The following SLCO3A1 variants were observed in gnomAD, a reference collection of about 807,000 sequenced individuals.
The protein encoded by SLCO3A1 is solute carrier organic anion transporter family member 3A1, also known as PGE1 transporter.
A neutral mutation model predicts 63.1 loss-of-function variants in SLCO3A1; 27 were observed. The observed-to-expected ratio is 0.43, with a 90% confidence interval of 0.32 to 0.59. The LOEUF is 0.59. Ranked by LOEUF, SLCO3A1 falls within the 20% of genes least tolerant of loss-of-function variation. The pLI is 0.09. For missense variants in SLCO3A1, 773 were observed against 945.8 expected (o/e 0.82, Z 2.40); for synonymous variants, 473 against 409.9 (o/e 1.15, Z -1.86).
chr15:91,970,014 T>C (rs976130904), intron 2 of SLCO3A1, among the ~76,000 whole-genome samples: 1 of 152,296 alleles, frequency 6.6e-6, no homozygotes, highest in East Asian at 1.9e-4. Flanking sequence ...GTGTAGTGTT[T>C]TTTCCCCTCA....
rs1473573822 is a variant in SLCO3A1, at chr15:91,950,568, G to A, written c.646+34110G>A. On this transcript the variant is annotated intron_variant, in intron 2 of 9. Coordinates refer to ENST00000318445, the MANE Select transcript of SLCO3A1 (RefSeq NM_013272.4). The surrounding 1 kb of genome is among the most constrained non-coding windows in gnomAD (Gnocchi z 4.4). ...TGCTGCAGGCTCCATAATGTCATCC[G>A]GTCTTTCTAGCCTCCTAAGAATGAG... Among the ~76,000 whole-genome samples, 2 of 152,222 alleles carry A rather than the reference G, an allele frequency of 1.3e-5. No individual in the cohort carries two copies. The highest frequency in any genetic ancestry group is 2.1e-4 in the South Asian group (1 of 4,830).
rs1897628033 is a variant in SLCO3A1 at position 91,882,895 on chromosome 15, T to C, written c.180+28807T>C. Among the ~76,000 whole-genome samples, 1 of 3,932 alleles carries C rather than the reference T, an allele frequency of 2.5e-4. No individual in the cohort carries two copies. Among genetic ancestry groups the C allele is most frequent in the Non-Finnish European group, 4.2e-4 (1 of 2,400 alleles). 2.6% of individuals were successfully genotyped at this position (3,932 alleles called of 152,430 possible). ...TAACCTCATCAAGATTTCCTTGCAA[T>C]TAGGTATCACCTTGGTGTCCCAAAG... On this transcript the variant is annotated intron_variant, in intron 1 of 9. Transcript: ENST00000318445. This position sits in a 1 kb window ranked among gnomAD's most constrained non-coding sequence, Gnocchi z 4.4.
intron 9 of SLCO3A1, among the ~76,000 whole-genome samples, chr15:92,152,793 A>G (rs1376355451): frequency 6.6e-6 from 1 of 152,160 alleles, no homozygotes; most frequent in Non-Finnish European, 1.5e-5. Flanking sequence ...TAAGCCATGA[A>G]CCATCCCCAG....
At chr15:92,074,577 G>A (rs1273089218) in intron 2 of SLCO3A1, among the ~76,000 whole-genome samples, 1 of 152,152 alleles carries the variant, frequency 6.6e-6, no homozygotes, top group East Asian at 1.9e-4. Flanking sequence ...ACCTTTTTTA[G>A]AGGAGACATT....
At chr15:92,171,628 A>C in intron 10 of SLCO3A1, 1 of 622,826 alleles carries the variant, frequency 1.6e-6, no homozygotes, top group Non-Finnish European at 2.9e-6. Context: ...GTTACATGGA[A>C]TGAAACCCAG....
At chr15:92,151,677 A>C (rs996038271) in intron 9 of SLCO3A1, among the ~76,000 whole-genome samples, 1 of 152,220 alleles carries the variant, frequency 6.6e-6, no homozygotes, top group Non-Finnish European at 1.5e-5. Context: ...TTCTCTTGCC[A>C]TACCACACCG....
chr15:91,890,502 C>T (rs1028027336), intron 1 of SLCO3A1, among the ~76,000 whole-genome samples: 33 of 152,208 alleles, frequency 2.2e-4, no homozygotes, highest in African/African-American at 8.0e-4. Flanking sequence ...GCTCTATCCC[C>T]TATGCCTGGC....
In SLCO3A1 at chr15:92,147,010, C is replaced by T. The variant is rs746416639; in HGVS notation, c.1539C>T (p.Thr513=). Residue 513 remains threonine (T), a synonymous_variant, in exon 8 of 10, where the codon ACC becomes ACT. Transcript: ENST00000318445. The stretch of plus-strand genomic sequence containing the variant: ...ATCTCACGGGCTGTGCGTGCCTCAC[C>T]ACCGTCCCTGCTGAGAACGCAACCG... ...STNLTGCACL[T]TVPAENATVV... 6.2e-7 allele frequency: 1 copy of T among 1,613,712 alleles called. No homozygotes were observed. The highest frequency in any genetic ancestry group is 2.2e-5 in the East Asian group (1 of 44,860).
chr15:92,085,998 G>A (rs2047399870), intron 2 of SLCO3A1, among the ~76,000 whole-genome samples: 1 of 152,280 alleles, frequency 6.6e-6, no homozygotes, highest in Middle Eastern at 3.4e-3. Flanking sequence ...TCCAGAGTAC[G>A]GGAGATCACA....
At chr15:92,134,164 C>T (rs550739355) in intron 7 of SLCO3A1, among the ~76,000 whole-genome samples, 1 of 152,348 alleles carries the variant, frequency 6.6e-6, no homozygotes, top group South Asian at 2.1e-4. Flanking sequence ...ATCCCTTACA[C>T]CTGAGCCATT....
intron 9 of SLCO3A1, among the ~76,000 whole-genome samples, chr15:92,152,066 T>G (rs552867843): frequency 7.4e-4 from 113 of 152,254 alleles, no homozygotes; most frequent in Non-Finnish European, 1.6e-3. Flanking sequence ...AACAGGTCTG[T>G]AATGTAATAA....
chr15:91,957,116 A>ATACTATATAGTATATATATT lies in SLCO3A1; in HGVS notation c.646+40658_646+40659insTACTATATAGTATATATATT, dbSNP rs1271110657. 1.7e-4 allele frequency among the ~76,000 whole-genome samples: 2 copies of ATACTATATAGTATATATATT among 11,880 alleles called. 1 individual carries two copies. Among genetic ancestry groups the ATACTATATAGTATATATATT allele is most frequent in the African/African-American group, 2.5e-3 (2 of 790 alleles). The allele number at this position is 11,880 out of a possible 152,430, so 7.8% of individuals were successfully genotyped here. On this transcript the variant is annotated intron_variant, in intron 2 of 9. Coordinates refer to ENST00000318445, the MANE Select transcript of SLCO3A1 (RefSeq NM_013272.4). ...TAATATATATAATATATATATATAT[A>ATACTATATAGTATATATATT]ATATATATAATATATATACTATATA...
intron 2 of SLCO3A1, among the ~76,000 whole-genome samples, chr15:92,079,362 AACAG>A (rs2047315715): frequency 6.6e-6 from 1 of 152,222 alleles, no homozygotes; most frequent in Non-Finnish European, 1.5e-5. Flanking sequence ...TGGCTTCAAC[AACAG>A]ACACTCATTT....
chr15:92,075,197 T>C lies in SLCO3A1; in HGVS notation c.647-19684T>C, dbSNP rs563856276. On this transcript the variant is annotated intron_variant, in intron 2 of 9. Transcript: ENST00000318445. Reference sequence around the variant, plus strand: ...CCGACTCTGGCTTCTGGAGGGAAACTTGGTGCTTAAGCTTTTATTCCCCAT... The same window carrying C: ...CCGACTCTGGCTTCTGGAGGGAAACCTGGTGCTTAAGCTTTTATTCCCCAT... Among the ~76,000 whole-genome samples the C allele has an allele frequency of 6.5e-4, 99 of 152,312 alleles. No individual in the cohort carries two copies. The Middle Eastern group carries it at 0.01, about 16-fold the overall frequency.
rs1166355291 is a variant in SLCO3A1 at position 92,053,676 on chromosome 15, G to GTTTTGT, written c.647-41201_647-41200insGTTTTT. Among the ~76,000 whole-genome samples the GTTTTGT allele has an allele frequency of 1.6e-3, 84 of 52,946 alleles. 8 individuals are homozygous for GTTTTGT. Among genetic ancestry groups the GTTTTGT allele is most frequent in the Admixed American group, 1.8e-3 (6 of 3,264 alleles). 34.7% of individuals were successfully genotyped at this position (52,946 alleles called of 152,430 possible). A position where few individuals can be genotyped will look rare whatever the true frequency, so the allele number is the denominator to read the frequency against. On this transcript the variant is annotated intron_variant, in intron 2 of 9. Coordinates refer to ENST00000318445, the MANE Select transcript of SLCO3A1 (RefSeq NM_013272.4). ...TCCCTCAGTTGTGATTTTATGTTTT[G>GTTTTGT]TTTTTTTGTTTGTTTGTTTGTTTTT... is the stretch of plus-strand genomic sequence containing the variant.
At chr15:92,158,490 C>T (rs1206338917) in intron 9 of SLCO3A1, among the ~76,000 whole-genome samples, 4 of 152,008 alleles carry the variant, frequency 2.6e-5, no homozygotes, top group East Asian at 1.9e-4. Context: ...ATGGAGGGGA[C>T]GCATAATGGA....
At chr15:91,935,952 A>G (rs979257067) in intron 2 of SLCO3A1, among the ~76,000 whole-genome samples, 5 of 152,218 alleles carry the variant, frequency 3.3e-5, no homozygotes, top group Admixed American at 1.3e-4. Flanking sequence ...ACAGCTTATC[A>G]TGGAGAGAGC....
At chr15:92,070,438 C>T (rs1028852080) in intron 2 of SLCO3A1, among the ~76,000 whole-genome samples, 2 of 152,158 alleles carry the variant, frequency 1.3e-5, no homozygotes, top group Admixed American at 6.5e-5. Flanking sequence ...AGGTTAGGAA[C>T]TCGAGACCAG....
At chr15:92,102,376 A>G (rs1468335753) in intron 3 of SLCO3A1, among the ~76,000 whole-genome samples, 2 of 152,160 alleles carry the variant, frequency 1.3e-5, no homozygotes, top group African/African-American at 4.8e-5. Flanking sequence ...ATATACATAT[A>G]TGTACATAAA....
Sources: allele counts gnomAD v4.1 joint callset (sites outside exome capture counted in the v4.1 genomes callset), GRCh38; gene constraint gnomAD v4.1.1; non-coding constraint Gnocchi (gnomAD v3.1); transcripts MANE v1.5; gene names NCBI Gene and HGNC (gene_info 2026-07-23, HGNC 2026-07-21).